The following SLMAP variants were observed in gnomAD, a reference collection of about 807,000 sequenced individuals.
The protein encoded by SLMAP is sarcolemma associated protein.
Under a neutral mutation model 128.8 loss-of-function variants are expected in SLMAP, and 44 were observed. The ratio of observed to expected loss-of-function variants is 0.34; its 90% CI spans 0.27 to 0.44. The LOEUF is 0.44. Ranked by LOEUF, SLMAP falls within the 20% of genes least tolerant of loss-of-function variation. SLMAP has a pLI of 1.00. For missense variants in SLMAP, 787 were observed against 985.3 expected (o/e 0.80, Z 2.69); for synonymous variants, 327 against 348.8 (o/e 0.94, Z 0.70).
rs1331198816 is a variant in SLMAP, at chr3:57,841,374, G to A, written c.419+3G>A. The A allele has an allele frequency of 1.9e-6, 3 of 1,591,774 alleles. No individual in the cohort carries two copies. The African/African-American group carries it at 4.0e-5, about 21-fold the overall frequency. ...ATGGAAGCCCGGCTCCGCTCAGAGTGAGTATAATTTAGTACTGTGAAGTTT... is the reference window on the plus strand; with the variant it reads ...ATGGAAGCCCGGCTCCGCTCAGAGTAAGTATAATTTAGTACTGTGAAGTTT... On this transcript the variant is annotated splice_donor_region_variant and intron_variant, in intron 4 of 24. Coordinates refer to ENST00000671191, the MANE Select transcript of SLMAP (RefSeq NM_001377540.1).
intron 14 of SLMAP, among the ~76,000 whole-genome samples, chr3:57,884,628 C>A (rs1013890569): frequency 2.0e-5 from 3 of 151,920 alleles, no homozygotes; most frequent in Admixed American, 6.6e-5. Context: ...GGCAACATGG[C>A]GAAACCACGT....
intron 2 of SLMAP, among the ~76,000 whole-genome samples, chr3:57,771,143 TCTCCCCTCCCCTCCCCTCCC>T (rs1204086020): frequency 7.8e-6 from 1 of 128,980 alleles, no homozygotes; most frequent in African/African-American, 3.0e-5. Flanking sequence ...CTCCCTCTGC[TCTCCCCTCCCCTCCCCTCCC>T]CTCCCCTCCC....
rs1419462042 is a variant in SLMAP, at chr3:57,908,899, T to TGA, written c.1625-177_1625-176insGA. On this transcript the variant is annotated intron_variant, in intron 18 of 24. Coordinates refer to ENST00000671191, the MANE Select transcript of SLMAP (RefSeq NM_001377540.1). ...GAATAGATTTATTACTTACTACAGT[T>TGA]CTGTGCTCCTAAAATCTTTAAACTA... is the stretch of plus-strand genomic sequence containing the variant. Among the ~76,000 whole-genome samples, 3 of 152,216 alleles carry TGA rather than the reference T, an allele frequency of 2.0e-5. No individual in the cohort carries two copies. In the East Asian group the frequency reaches 5.8e-4, roughly 29 times the overall value.
intron 6 of SLMAP, among the ~76,000 whole-genome samples, chr3:57,854,901 A>C (rs1246371831): frequency 3.3e-5 from 5 of 152,212 alleles, no homozygotes; most frequent in Non-Finnish European, 7.3e-5. Context: ...TGAACATTAT[A>C]CATTGTACTT....
chr3:57,757,334 C>A lies in SLMAP; in HGVS notation c.-318C>A, dbSNP rs1204536804. On this transcript the variant is annotated 5_prime_UTR_variant, in exon 2 of 25. Transcript: ENST00000671191. Reference sequence around the variant, plus strand: ...ATACCTCCAGTCCCCAAACTGTGTTCCAGGAGTTTTCTTGGCCGAAGCTGC... The same window carrying A: ...ATACCTCCAGTCCCCAAACTGTGTTACAGGAGTTTTCTTGGCCGAAGCTGC... 1.9e-5 allele frequency: 8 copies of A among 427,894 alleles called. No individual in the cohort carries two copies. The highest frequency in any genetic ancestry group is 6.7e-5 in the South Asian group (3 of 44,982). 26.5% of individuals were successfully genotyped at this position (427,894 alleles called of 1,614,324 possible). A position where few individuals can be genotyped will look rare whatever the true frequency, so the allele number is the denominator to read the frequency against.
At chr3:57,765,106 A>G (rs2079422105) in intron 2 of SLMAP, among the ~76,000 whole-genome samples, 1 of 152,198 alleles carries the variant, frequency 6.6e-6, no homozygotes, top group Non-Finnish European at 1.5e-5. Context: ...AATATCAGCT[A>G]CTTGGGAGGC....
chr3:57,839,807 G>A (rs925514412), intron 3 of SLMAP, among the ~76,000 whole-genome samples: 1 of 151,286 alleles, frequency 6.6e-6, no homozygotes, highest in Non-Finnish European at 1.5e-5. Context: ...GATCTGCCTC[G>A]GCCTCCCAAG....
chr3:57,924,774 A>G (rs1021133973), intron 23 of SLMAP, among the ~76,000 whole-genome samples: 2 of 152,052 alleles, frequency 1.3e-5, no homozygotes, highest in African/African-American at 4.8e-5. Context: ...AAGCAGTATC[A>G]TCTAATAAGC....
chr3:57,868,618 T>C (rs1021340299), intron 13 of SLMAP, among the ~76,000 whole-genome samples: 14 of 151,070 alleles, frequency 9.3e-5, no homozygotes, highest in Admixed American at 3.3e-4. Context: ...TCCTAGGTAG[T>C]TGGGAGGCTG....
chr3:57,795,790 C>T (rs999621354), intron 2 of SLMAP, among the ~76,000 whole-genome samples: 1 of 151,948 alleles, frequency 6.6e-6, no homozygotes, highest in African/African-American at 2.4e-5. Context: ...TTTCATCATC[C>T]CAAACAGAAA....
chr3:57,902,659 G>C (rs1016616485), intron 17 of SLMAP, among the ~76,000 whole-genome samples: 12 of 152,142 alleles, frequency 7.9e-5, no homozygotes, highest in Admixed American at 5.2e-4. Context: ...CCATTGGCCT[G>C]AGACATTAAA....
chr3:57,814,060 AGAGT>A (rs2091469454), intron 2 of SLMAP, among the ~76,000 whole-genome samples: 1 of 150,602 alleles, frequency 6.6e-6, no homozygotes, highest in African/African-American at 2.4e-5. Context: ...AGTTTTGAAT[AGAGT>A]GAGTTATGAC....
intron 2 of SLMAP, among the ~76,000 whole-genome samples, 164 bp from the exon 3 acceptor site, chr3:57,831,219 C>CAT (rs1182368824): frequency 2.0e-5 from 3 of 151,984 alleles, no homozygotes; most frequent in Non-Finnish European, 2.9e-5. Flanking sequence ...ATTCTAATTT[C>CAT]ATATATATTA....
intron 19 of SLMAP, among the ~76,000 whole-genome samples, chr3:57,910,069 G>A (rs1405275306): frequency 6.6e-6 from 1 of 152,166 alleles, no homozygotes; most frequent in Non-Finnish European, 1.5e-5. Context: ...CCTTTGGATA[G>A]GAAATCTGTT....
intron 2 of SLMAP, among the ~76,000 whole-genome samples, chr3:57,823,440 A>C (rs942614517): frequency 3.3e-5 from 5 of 151,790 alleles, no homozygotes; most frequent in Non-Finnish European, 7.4e-5. Context: ...TCATTGTTCA[A>C]TTCCCACCTA....
chr3:57,828,672 A>G (rs773048924), intron 2 of SLMAP, among the ~76,000 whole-genome samples: 2 of 152,360 alleles, frequency 1.3e-5, no homozygotes, highest in Middle Eastern at 6.8e-3. Flanking sequence ...CGAGCAACTA[A>G]TATAAATTAT....
chr3:57,906,396 AC>A (rs961468810), intron 17 of SLMAP, among the ~76,000 whole-genome samples: 2 of 129,274 alleles, frequency 1.5e-5, no homozygotes, highest in African/African-American at 3.0e-5. Context: ...GCTCATTGCC[AC>A]CTCTGCCTCC....
intron 2 of SLMAP, among the ~76,000 whole-genome samples, chr3:57,785,187 A>G (rs2083833762): frequency 6.6e-6 from 1 of 152,198 alleles, no homozygotes; most frequent in African/African-American, 2.4e-5. Context: ...TTCTTAATCT[A>G]CATAAAATTT....
At chr3:57,818,407 G>A (rs1344735734) in intron 2 of SLMAP, among the ~76,000 whole-genome samples, 2 of 152,066 alleles carry the variant, frequency 1.3e-5, no homozygotes, top group Admixed American at 6.6e-5. Flanking sequence ...CACCCGCCTC[G>A]GCCTCCCAAA....
Sources: allele counts gnomAD v4.1 joint callset (sites outside exome capture counted in the v4.1 genomes callset), GRCh38; gene constraint gnomAD v4.1.1; transcripts MANE v1.5; gene names NCBI Gene and HGNC (gene_info 2026-07-23, HGNC 2026-07-21).